The following CCDC102B variants were observed in gnomAD, a reference collection of about 807,000 sequenced individuals.
CCDC102B encodes the protein coiled-coil domain containing 102B.
A neutral mutation model predicts 57.4 loss-of-function variants in CCDC102B; 75 were observed. That is an observed-to-expected ratio of 1.31 (90% CI 1.08 to 1.58). The LOEUF is 1.58. Among genes scored for constraint, CCDC102B ranks in the 40% most tolerant of loss-of-function variants. The pLI is 0.00. For missense variants in CCDC102B, 636 were observed against 582.6 expected, an observed-to-expected ratio of 1.09 and a Z score of -0.94; for synonymous variants, 206 against 201.9, an observed-to-expected ratio of 1.02 and a Z score of -0.17.
intron 1 of CCDC102B, among the ~76,000 whole-genome samples, chr18:68,818,375 G>T (rs781070473): frequency 6.6e-6 from 1 of 152,158 alleles, no homozygotes; most frequent in Non-Finnish European, 1.5e-5. Context: ...GCTGCTTTCT[G>T]ATTAGTTAAA....
chr18:68,850,871 C>G (rs8092111), intron 4 of CCDC102B, among the ~76,000 whole-genome samples: 5 of 152,038 alleles, frequency 3.3e-5, no homozygotes, highest in African/African-American at 1.2e-4. Flanking sequence ...CCACACCTTT[C>G]GATTAACCTC....
chr18:68,925,794 T>C (rs889445229), intron 6 of CCDC102B, among the ~76,000 whole-genome samples: 1 of 152,002 alleles, frequency 6.6e-6, no homozygotes, highest in African/African-American at 2.4e-5. Flanking sequence ...TTCTGCCTGA[T>C]GAATCATCAA....
Position 68,836,921 on chromosome 18 carries a change from C to T in CCDC102B, c.158C>T (p.Ala53Val), listed in dbSNP as rs2037403900. 2 of 1,614,144 alleles carry T rather than the reference C, an allele frequency of 1.2e-6. No homozygotes were observed. The highest frequency in any genetic ancestry group is 1.1e-5 in the South Asian group (1 of 91,084). ...CFPLHGLQSHAAHNFCAHSYN... is the reference protein window; with the variant it reads ...CFPLHGLQSHVAHNFCAHSYN... ...CCACTTCATGGGCTACAATCTCATG[C>T]TGCTCACAATTTCTGTGCTCACTCA... Residue 53 changes from alanine (A) to valine (V), a missense_variant, in exon 2 of 8, where the codon GCT becomes GTT. Ala to Val is a moderately conservative substitution (Grantham distance 64). Coordinates refer to ENST00000360242, the MANE Select transcript of CCDC102B (RefSeq NM_024781.3).
At position 68,876,395 on chromosome 18, in the gene CCDC102B, G is replaced by C. The variant is rs996314304; in HGVS notation, c.1053+1610G>C. Among the ~76,000 whole-genome samples, 12 of 152,192 alleles carry C rather than the reference G, an allele frequency of 7.9e-5. No individual in the cohort carries two copies. The East Asian group carries it at 2.3e-3, about 29-fold the overall frequency. ...TGTACAGCAAATGTGAATGATGCTAGGGGGATTGCCCTAGCCAGAAATTTT... is the reference window on the plus strand; with the variant it reads ...TGTACAGCAAATGTGAATGATGCTACGGGGATTGCCCTAGCCAGAAATTTT... On this transcript the variant is annotated intron_variant, in intron 5 of 7. Coordinates refer to ENST00000360242, the MANE Select transcript of CCDC102B (RefSeq NM_024781.3).
intron 7 of CCDC102B, among the ~76,000 whole-genome samples, chr18:69,017,656 T>G (rs903235152): frequency 1.3e-5 from 2 of 152,172 alleles, no homozygotes; most frequent in East Asian, 3.8e-4. Context: ...ATTTTCATAA[T>G]GAGAACACCT....
chr18:68,994,344 T>C (rs1206146676), intron 6 of CCDC102B, among the ~76,000 whole-genome samples: 2 of 152,170 alleles, frequency 1.3e-5, no homozygotes, highest in African/African-American at 4.8e-5. Context: ...ATTCATTGTA[T>C]GGTCTCTTGA....
chr18:68,895,761 CT>C (rs2040220994), intron 5 of CCDC102B, among the ~76,000 whole-genome samples: 1 of 151,570 alleles, frequency 6.6e-6, no homozygotes, highest in African/African-American at 2.4e-5. Context: ...AGTAAGAAAA[CT>C]TAATAAGATA....
intron 7 of CCDC102B, among the ~76,000 whole-genome samples, chr18:69,026,457 CA>C (rs547625543): frequency 0.13 from 9,772 of 74,960 alleles, 468 homozygotes; most frequent in East Asian, 0.4. Context: ...AACCCTGTCT[CA>C]AAAAAAAAAA....
chr18:68,951,869 G>C (rs1480968929), intron 6 of CCDC102B, among the ~76,000 whole-genome samples: 2 of 151,734 alleles, frequency 1.3e-5, no homozygotes, highest in African/African-American at 2.4e-5. Context: ...AGCAGCACTA[G>C]GTGCCTCCAC....
chr18:68,805,554 G>A (rs955831785), intron 1 of CCDC102B, among the ~76,000 whole-genome samples: 15 of 152,134 alleles, frequency 9.9e-5, no homozygotes, highest in African/African-American at 3.4e-4. Context: ...ATGTGAAGCC[G>A]ATGAGGAAGA....
At chr18:68,973,892 ACTG>A (rs1184920618) in intron 6 of CCDC102B, among the ~76,000 whole-genome samples, 3 of 152,076 alleles carry the variant, frequency 2.0e-5, no homozygotes, top group African/African-American at 7.2e-5. Context: ...TGGTGATAGA[ACTG>A]CTATTCACTG....
rs309235 is a variant in CCDC102B at position 68,725,840 on chromosome 18, A to G, written c.-67+9246A>G. Among the ~76,000 whole-genome samples, 1,064 of 152,326 alleles carry G rather than the reference A, an allele frequency of 7.0e-3. 10 individuals are homozygous for G. Among genetic ancestry groups the G allele is most frequent in the African/African-American group, 0.024 (979 of 41,580 alleles). ...ATGGGAACTTGGAATGGACACCTTT[A>G]GAATTCTGCCTACCACAGGCAATAA... On this transcript the variant is annotated intron_variant, in intron 2 of 3. Coordinates refer to the CCDC102B transcript ENST00000578970.
intron 7 of CCDC102B, among the ~76,000 whole-genome samples, chr18:69,017,590 C>G (rs1158149444): frequency 6.6e-6 from 1 of 152,020 alleles, no homozygotes; most frequent in Non-Finnish European, 1.5e-5. Flanking sequence ...ACATAAATAG[C>G]AAACTAATTA....
chr18:69,011,379 T>C (rs1322747112), intron 7 of CCDC102B, among the ~76,000 whole-genome samples: 1 of 151,826 alleles, frequency 6.6e-6, no homozygotes, highest in Admixed American at 6.6e-5. Flanking sequence ...TGTGTGTGTG[T>C]GTGTGTGTGT....
At chr18:68,776,757 C>A (rs555815556) in intron 2 of CCDC102B, among the ~76,000 whole-genome samples, 1 of 151,968 alleles carries the variant, frequency 6.6e-6, no homozygotes, top group East Asian at 1.9e-4. Context: ...CAAAAAAAAA[C>A]CCTATGACAC....
At chr18:68,970,190 A>T in intron 6 of CCDC102B, among the ~76,000 whole-genome samples, 1 of 152,054 alleles carries the variant, frequency 6.6e-6, no homozygotes, top group East Asian at 1.9e-4. Context: ...TAAACAGATA[A>T]AATATTAGTA....
intron 6 of CCDC102B, among the ~76,000 whole-genome samples, chr18:69,009,207 G>C (rs185442094): frequency 3.9e-4 from 60 of 152,266 alleles, no homozygotes; most frequent in Admixed American, 1.8e-3. Context: ...GCCTTTGCCA[G>C]TCTGAAGACA....
At chr18:69,009,548 A>G (rs1366503936) in intron 6 of CCDC102B, among the ~76,000 whole-genome samples, 1 of 152,128 alleles carries the variant, frequency 6.6e-6, no homozygotes, top group African/African-American at 2.4e-5. Context: ...CTGTGATTGA[A>G]TTTATCATTT....
chr18:68,985,352 A>G (rs1294821938), intron 6 of CCDC102B, among the ~76,000 whole-genome samples: 1 of 152,192 alleles, frequency 6.6e-6, no homozygotes, highest in Non-Finnish European at 1.5e-5. Context: ...ACTGAGAGAT[A>G]TGAAAATGAG....
Sources: gnomAD v4.1 joint callset for allele counts (sites outside exome capture counted in the v4.1 genomes callset) on GRCh38, gnomAD v4.1.1 for gene constraint, MANE v1.5 for transcripts, NCBI Gene and HGNC (gene_info 2026-07-23, HGNC 2026-07-21) for gene names.